Variants in TNFSF14 observed in about 807,000 individuals in gnomAD.
TNFSF14 encodes tumor necrosis factor ligand superfamily member 14.
Under a neutral mutation model 22.7 loss-of-function variants are expected in TNFSF14, and 15 were observed. That is an observed-to-expected ratio of 0.66 (90% CI 0.44 to 1.02). The LOEUF (loss-of-function observed/expected upper bound fraction) is 1.02, where lower values mean the gene tolerates loss of function less well. Among genes scored for constraint, TNFSF14 ranks in the 50% least tolerant of loss-of-function variants. The pLI is 0.00. For missense variants in TNFSF14, 287 were observed against 326.2 expected (o/e 0.88, Z 0.93); for synonymous variants, 133 against 139.6 (o/e 0.95, Z 0.33).
At chr19:6,667,956 G>A (rs1433051811) in intron 1 of TNFSF14, among the ~76,000 whole-genome samples, 1 of 151,970 alleles carries the variant, frequency 6.6e-6, no homozygotes, top group Non-Finnish European at 1.5e-5. Flanking sequence ...CAGGAGGATC[G>A]CTTGAACCTG....
chr19:6,664,831 C>A lies in TNFSF14; in HGVS notation c.*95G>T. 2.7e-6 allele frequency: 4 copies of A among 1,468,028 alleles called. No individual in the cohort carries two copies. Among genetic ancestry groups the A allele is most frequent in the Non-Finnish European group, 3.6e-6 (4 of 1,095,956 alleles). The allele number at this position is 1,468,028 out of a possible 1,614,324, so 90.9% of individuals were successfully genotyped here. On this transcript the variant is annotated 3_prime_UTR_variant, in exon 4 of 4. Coordinates refer to ENST00000675206, the MANE Select transcript of TNFSF14 (RefSeq NM_001376887.1). This position sits in a 1 kb window ranked among gnomAD's most constrained non-coding sequence, Gnocchi z 4.7. Reference sequence around the variant, plus strand: ...CTGGGATTACAGGCGAGAGCCACCACGCCCAGCCTCTGCTTCGTGAGTTTT... The same window carrying A: ...CTGGGATTACAGGCGAGAGCCACCAAGCCCAGCCTCTGCTTCGTGAGTTTT...
In TNFSF14 at chr19:6,667,160, G is replaced by A; in HGVS notation, c.257-6C>T. On this transcript the variant is annotated splice_polypyrimidine_tract_variant and splice_region_variant and intron_variant, in intron 2 of 3. Coordinates refer to ENST00000675206, the MANE Select transcript of TNFSF14 (RefSeq NM_001376887.1). Reference sequence around the variant, plus strand: ...GACCTCGTGAGACCTTCGCTCTGGGGAAAGAGGGTCAGAGGTTAGAGACGA... The same window carrying A: ...GACCTCGTGAGACCTTCGCTCTGGGAAAAGAGGGTCAGAGGTTAGAGACGA... 6.3e-7 allele frequency: 1 copy of A among 1,589,086 alleles called. No homozygotes were observed. Among genetic ancestry groups the A allele is most frequent in the Non-Finnish European group, 8.5e-7 (1 of 1,170,060 alleles).
chr19:6,669,799 CAG>C (rs1555682255), intron 1 of TNFSF14, 50 bp downstream of exon 1: 1 of 1,594,572 alleles, frequency 6.3e-7, no homozygotes, highest in Non-Finnish European at 8.5e-7. Context: ...CACAATGACA[CAG>C]GGGAGCCCCC....
chr19:6,668,054 A>G (rs998953972), intron 1 of TNFSF14, among the ~76,000 whole-genome samples: 1 of 152,006 alleles, frequency 6.6e-6, no homozygotes. Flanking sequence ...ATAAATAAAT[A>G]AAAGGGTTTA....
intron 3 of TNFSF14, 38 bp downstream of exon 3, chr19:6,667,075 G>A (rs765917266): frequency 1.2e-6 from 2 of 1,609,032 alleles, no homozygotes; most frequent in Non-Finnish European, 1.7e-6. Flanking sequence ...GAGACGCCCT[G>A]ACCCCTGCCC....
At chr19:6,667,236 C>T in intron 2 of TNFSF14, 82 bp from the exon 3 acceptor site, 3 of 1,463,980 alleles carry the variant, frequency 2.0e-6, no homozygotes, top group Non-Finnish European at 2.7e-6. Context: ...GTGTACACCT[C>T]CTGGAATCAA....
chr19:6,667,683 G>C (rs762767060), intron 1 of TNFSF14, among the ~76,000 whole-genome samples: 3 of 152,168 alleles, frequency 2.0e-5, no homozygotes, highest in Non-Finnish European at 2.9e-5. Flanking sequence ...TGTCTGCTTG[G>C]CGTTTAATGA....
upstream of TNFSF14, chr19:6,670,424 A>G: frequency 2.6e-6 from 1 of 385,930 alleles, no homozygotes; most frequent in Non-Finnish European, 4.0e-6. Context: ...TGCCCATGCC[A>G]GGCTCTGCTC....
intron 3 of TNFSF14, 100 bp from the exon 4 acceptor site, chr19:6,665,450 C>T (rs2145372341): frequency 7.6e-7 from 1 of 1,311,116 alleles, no homozygotes; most frequent in East Asian, 2.5e-5. Flanking sequence ...GCTCTGTGGA[C>T]CAGGCTGGAG....
chr19:6,665,375 G>C (rs1917386575), intron 3 of TNFSF14, 25 bp from the exon 4 acceptor site: 1 of 1,516,372 alleles, frequency 6.6e-7, no homozygotes, highest in Non-Finnish European at 8.8e-7. Flanking sequence ...GAGACAAAGG[G>C]GGCTGCCGGT....
At chr19:6,669,794 T>A (rs560440993) in intron 1 of TNFSF14, 57 bp downstream of exon 1, 18 of 1,578,982 alleles carry the variant, frequency 1.1e-5, no homozygotes, top group Admixed American at 1.7e-5. Context: ...TGACCCACAA[T>A]GACACAGGGG....
Position 6,663,149 on chromosome 19 carries a change from T to G in TNFSF14, c.*1777A>C, listed in dbSNP as rs1187083791. 6.6e-6 allele frequency: 1 copy of G among 152,244 alleles called. No individual in the cohort carries two copies. Among genetic ancestry groups the G allele is most frequent in the Admixed American group, 6.5e-5 (1 of 15,278 alleles). 9.4% of individuals were successfully genotyped at this position (152,244 alleles called of 1,614,324 possible). ...AGAACTAGACAGATCCAGGTACAACTATTTGCCATTTATTTCAAAGATCAG... is the reference window on the plus strand; with the variant it reads ...AGAACTAGACAGATCCAGGTACAACGATTTGCCATTTATTTCAAAGATCAG... On this transcript the variant is annotated 3_prime_UTR_variant, in exon 4 of 4. Coordinates refer to ENST00000675206, the MANE Select transcript of TNFSF14 (RefSeq NM_001376887.1).
Position 6,665,152 on chromosome 19 carries a change from A to G in TNFSF14, c.497T>C (p.Leu166Pro). The G allele has an allele frequency of 6.2e-7, 1 of 1,613,992 alleles. No homozygotes were observed. Among genetic ancestry groups the G allele is most frequent in the Non-Finnish European group, 8.5e-7 (1 of 1,179,944 alleles). Residue 166 changes from leucine to proline, a missense_variant, in exon 4 of 4, where the codon CTC becomes CCC. Transcript: ENST00000675206. ...GGGGTAGCGGGGTGTGCGCTTGTAG[A>G]GGCCGTGGGTGATGGTGCTGGCCAG... ...LGLASTITHG[L>P]YKRTPRYPEE...
Position 6,662,100 on chromosome 19 carries a change from G to A in TNFSF14, c.*2826C>T, listed in dbSNP as rs1917262152. 1.3e-5 allele frequency: 2 copies of A among 152,218 alleles called. No homozygotes were observed. The highest frequency in any genetic ancestry group is 2.9e-5 in the Non-Finnish European group (2 of 68,076). The allele number at this position is 152,218 out of a possible 1,614,324, so 9.4% of individuals were successfully genotyped here. ...CTGTCACCCAGGCTGGAGTGCAGTG[G>A]TGTGATCTCAGCTCACTGCAACCTC... On this transcript the variant is annotated 3_prime_UTR_variant, in exon 4 of 4. Transcript: ENST00000675206.
chr19:6,669,541 G>T (rs907225379), intron 1 of TNFSF14, among the ~76,000 whole-genome samples: 5 of 152,170 alleles, frequency 3.3e-5, no homozygotes, highest in African/African-American at 1.2e-4. Context: ...GTGCATGGCA[G>T]TGTTGGGGTG....
In TNFSF14 at chr19:6,665,427, GAC is replaced by G. The variant is rs1413366885; in HGVS notation, c.299-79_299-78del. 7.1e-6 allele frequency: 10 copies of G among 1,416,030 alleles called. No homozygotes were observed. In the Admixed American group the frequency reaches 2.4e-4, roughly 34 times the overall value. The allele number at this position is 1,416,030 out of a possible 1,614,324, so 87.7% of individuals were successfully genotyped here. On this transcript the variant is annotated intron_variant, in intron 3 of 3. Transcript: ENST00000675206. ...CTGTTGCTTGTTTGTTTGTTTGTTT[GAC>G]ACAGAGTCTCGCTCTGTGGACCAGG... is the stretch of plus-strand genomic sequence containing the variant.
intron 3 of TNFSF14, among the ~76,000 whole-genome samples, chr19:6,665,656 G>A (rs763643352): frequency 6.6e-6 from 1 of 152,038 alleles, no homozygotes; most frequent in Non-Finnish European, 1.5e-5. Flanking sequence ...TGATCCACCC[G>A]CCTCGGCCTC....
At chr19:6,670,273 C>T, upstream of TNFSF14, 1 of 1,428,898 alleles carries the variant, frequency 7.0e-7, no homozygotes, top group Non-Finnish European at 9.1e-7. Context: ...CCCTGTCTCA[C>T]TCTCACTCAT....
upstream of TNFSF14, chr19:6,670,332 C>T: frequency 7.8e-7 from 1 of 1,288,542 alleles, no homozygotes; most frequent in Non-Finnish European, 1.0e-6. Flanking sequence ...ACTCAGGTGG[C>T]AAGTGCAGTG....
Sources: allele counts gnomAD v4.1 joint callset (sites outside exome capture counted in the v4.1 genomes callset), GRCh38; gene constraint gnomAD v4.1.1; non-coding constraint Gnocchi (gnomAD v3.1); transcripts MANE v1.5; gene names NCBI Gene and HGNC (gene_info 2026-07-23, HGNC 2026-07-21).